Variants in DLG2 observed in about 807,000 individuals in gnomAD.
DLG2 encodes the protein discs large MAGUK scaffold protein 2.
DLG2 carries 45 observed loss-of-function variants against 132.5 expected under a neutral mutation model. That is an observed-to-expected ratio of 0.34 (90% CI 0.27 to 0.44). The LOEUF is 0.44. DLG2 is among the 20% of genes least tolerant of loss of function. The probability of loss-of-function intolerance (pLI) is 1.00; values close to 1 mark genes in which losing one functional copy is unlikely to be tolerated. For synonymous variants in DLG2, 424 were observed against 419.6 expected (o/e 1.01, Z -0.13); for missense variants, 1,045 against 1,196.9 (o/e 0.87, Z 1.87).
At chr11:84,735,129 G>T (rs1430988101) in intron 6 of DLG2, among the ~76,000 whole-genome samples, 1 of 151,996 alleles carries the variant, frequency 6.6e-6, no homozygotes, top group Non-Finnish European at 1.5e-5. Flanking sequence ...CCATGCTTTG[G>T]TATCAAGATG....
At chr11:83,855,616 A>G (rs2060417171) in intron 16 of DLG2, among the ~76,000 whole-genome samples, 1 of 152,252 alleles carries the variant, frequency 6.6e-6, no homozygotes, top group Admixed American at 6.5e-5. Flanking sequence ...CTCTGGAAAA[A>G]GTAAAACTAT....
At chr11:84,050,571 G>T (rs1423617744) in intron 11 of DLG2, among the ~76,000 whole-genome samples, 3 of 151,784 alleles carry the variant, frequency 2.0e-5, no homozygotes, top group Non-Finnish European at 4.4e-5. Flanking sequence ...GCTTTTGGTG[G>T]TTTAGACATG....
chr11:84,227,630 T>C (rs1175131952), intron 8 of DLG2, among the ~76,000 whole-genome samples: 1 of 152,078 alleles, frequency 6.6e-6, no homozygotes, highest in Non-Finnish European at 1.5e-5. Flanking sequence ...CTTTAAAAAA[T>C]ATGTATATTG....
intron 7 of DLG2, among the ~76,000 whole-genome samples, chr11:84,530,494 T>C (rs748454541): frequency 3.3e-5 from 5 of 152,122 alleles, no homozygotes; most frequent in Non-Finnish European, 4.4e-5. Flanking sequence ...CAAAAGAAGA[T>C]ATATATGCAG....
rs574688316 is a variant in DLG2 at position 83,546,355 on chromosome 11, T to G, written c.1941-4497A>C. Among the ~76,000 whole-genome samples, 14 of 152,288 alleles carry G rather than the reference T, an allele frequency of 9.2e-5. No homozygotes were observed. In the South Asian group the frequency reaches 2.7e-3, roughly 29 times the overall value. On this transcript the variant is annotated intron_variant, in intron 19 of 27. Transcript: ENST00000376104. ...GAGAGCTGGGTTTATGTCCCAGTTC[T>G]GCCATTCTTAACTGTATAATTTGGG...
At position 84,780,997 on chromosome 11, in the gene DLG2, C is replaced by CAAAAA. The variant is rs372443245; in HGVS notation, c.358-246271_358-246267dup. Reference sequence around the variant, plus strand: ...TGAAGTGCTTTACTCCAGGATTGTACAAAAAAAAAAAAAAAAAGCGACAAG... The same window carrying CAAAAA: ...TGAAGTGCTTTACTCCAGGATTGTACAAAAAAAAAAAAAAAAAAAAAAGCGACAAG... On this transcript the variant is annotated intron_variant, in intron 6 of 27. Coordinates refer to ENST00000376104, the MANE Select transcript of DLG2 (RefSeq NM_001142699.3). Among the ~76,000 whole-genome samples, 7 of 93,948 alleles carry CAAAAA rather than the reference C, an allele frequency of 7.5e-5. 1 individual carries two copies. Among genetic ancestry groups the CAAAAA allele is most frequent in the Admixed American group, 1.1e-4 (1 of 8,772 alleles). 61.6% of individuals were successfully genotyped at this position (93,948 alleles called of 152,430 possible).
chr11:84,997,887 C>T (rs1196676709), intron 6 of DLG2: 2 of 152,210 alleles, frequency 1.3e-5, no homozygotes, highest in African/African-American at 2.4e-5. Context: ...TCACAAAGTA[C>T]ATTAAACTTA....
In DLG2 at chr11:85,063,563, T is replaced by C. The variant is rs1384032604; in HGVS notation, c.357+48098A>G. ...TATGACTAAAAGACTTTTAAAGACT[T>C]ATATGGTTATTGGCTTAGGAGATTT... On this transcript the variant is annotated intron_variant, in intron 6 of 27. Transcript: ENST00000376104. Among the ~76,000 whole-genome samples, 6 of 151,826 alleles carry C rather than the reference T, an allele frequency of 4.0e-5. No homozygotes were observed. The East Asian group carries it at 1.2e-3, about 29-fold the overall frequency.
chr11:84,400,158 G>T (rs562517675), intron 7 of DLG2, among the ~76,000 whole-genome samples: 12 of 152,322 alleles, frequency 7.9e-5, no homozygotes, highest in African/African-American at 2.6e-4. Context: ...TAAGCCCCCA[G>T]TTAGGAGAGT....
intron 3 of DLG2, among the ~76,000 whole-genome samples, chr11:85,544,375 T>A (rs570411394): frequency 3.3e-4 from 50 of 152,306 alleles, no homozygotes; most frequent in African/African-American, 1.1e-3. Flanking sequence ...ACCAGTACCA[T>A]GCTGTTTTGG....
At chr11:85,581,486 C>T (rs1273936079) in intron 3 of DLG2, among the ~76,000 whole-genome samples, 2 of 151,364 alleles carry the variant, frequency 1.3e-5, no homozygotes, top group South Asian at 2.1e-4. Flanking sequence ...GGCGTGGTGG[C>T]GTGCACCTGT....
chr11:83,518,620 C>T (rs1304575461), intron 21 of DLG2, among the ~76,000 whole-genome samples: 5 of 152,214 alleles, frequency 3.3e-5, no homozygotes, highest in African/African-American at 4.8e-5. Flanking sequence ...CTGTGTTGCT[C>T]ATGCTGGGAG....
intron 10 of DLG2, among the ~76,000 whole-genome samples, chr11:84,062,367 T>C (rs999869399): frequency 6.6e-6 from 1 of 152,204 alleles, no homozygotes; most frequent in Non-Finnish European, 1.5e-5. Flanking sequence ...GTAACTGTAC[T>C]GTATAGTACT....
At chr11:83,744,481 C>T (rs1012223127) in intron 18 of DLG2, among the ~76,000 whole-genome samples, 9 of 152,116 alleles carry the variant, frequency 5.9e-5, no homozygotes, top group African/African-American at 2.2e-4. Context: ...GAACTCATTT[C>T]CCATATTAAA....
chr11:85,386,748 A>G (rs2086362735), intron 3 of DLG2, among the ~76,000 whole-genome samples: 1 of 151,712 alleles, frequency 6.6e-6, no homozygotes, highest in South Asian at 2.1e-4. Flanking sequence ...TGTGCCTACC[A>G]CAGAGAAGAT....
intron 17 of DLG2, among the ~76,000 whole-genome samples, chr11:83,814,172 C>A (rs1263878633): frequency 6.6e-6 from 1 of 152,000 alleles, no homozygotes; most frequent in African/African-American, 2.4e-5. Flanking sequence ...TTCTTTTGGA[C>A]CAAATGGCAA....
intron 8 of DLG2, among the ~76,000 whole-genome samples, chr11:84,178,236 T>C (rs941207052): frequency 1.3e-5 from 2 of 152,116 alleles, no homozygotes; most frequent in African/African-American, 4.8e-5. Flanking sequence ...AATAGTGATT[T>C]CAGTGGCAAA....
rs181073696 is a variant in DLG2, at chr11:84,322,062, C to T, written c.520-70771G>A. Reference sequence around the variant, plus strand: ...TTGCTAGTAGGGCAATGAAAGAGCTCTCTTATTTGCAACTGCATCCTTTGA... The same window carrying T: ...TTGCTAGTAGGGCAATGAAAGAGCTTTCTTATTTGCAACTGCATCCTTTGA... On this transcript the variant is annotated intron_variant, in intron 7 of 27. Coordinates refer to ENST00000376104, the MANE Select transcript of DLG2 (RefSeq NM_001142699.3). 7.2e-5 allele frequency among the ~76,000 whole-genome samples: 11 copies of T among 152,332 alleles called. No homozygotes were observed. The East Asian group carries it at 2.1e-3, about 29-fold the overall frequency.
intron 18 of DLG2, among the ~76,000 whole-genome samples, chr11:83,700,679 T>C (rs1393144809): frequency 6.6e-6 from 1 of 152,146 alleles, no homozygotes; most frequent in Non-Finnish European, 1.5e-5. Flanking sequence ...TTATTCAATG[T>C]CCTTAAATAA....
Sources: gnomAD v4.1 joint callset for allele counts (sites outside exome capture counted in the v4.1 genomes callset) on GRCh38, gnomAD v4.1.1 for gene constraint, MANE v1.5 for transcripts, NCBI Gene and HGNC (gene_info 2026-07-23, HGNC 2026-07-21) for gene names.